Variants in HYDIN observed in about 807,000 individuals in gnomAD.
The protein encoded by HYDIN is HYDIN axonemal central pair apparatus protein.
In HYDIN, 132 loss-of-function variants were observed where a neutral mutation model predicts 403.9. The ratio of observed to expected loss-of-function variants is 0.33; its 90% confidence interval spans 0.28 to 0.38. The LOEUF (loss-of-function observed/expected upper bound fraction) is 0.38. HYDIN is among the 10% of genes least tolerant of loss of function. The pLI, the probability that HYDIN is intolerant of heterozygous loss-of-function variation, is 1.00. For synonymous variants in HYDIN, 1,202 were observed against 1,891.7 expected (o/e 0.64, Z 9.46); for missense variants, 2,827 against 5,009.5 (o/e 0.56, Z 13.15).
chr16:71,189,321 C>T (rs1235348502), intron 1 of HYDIN, among the ~76,000 whole-genome samples: 1 of 152,016 alleles, frequency 6.6e-6, no homozygotes, highest in African/African-American at 2.4e-5. Context: ...TGATTTTGAA[C>T]CATGTAAGTG....
chr16:70,977,889 T>C (rs1156244313), intron 30 of HYDIN, among the ~76,000 whole-genome samples: 1 of 151,886 alleles, frequency 6.6e-6, no homozygotes, highest in African/African-American at 2.4e-5. Context: ...TGGGGTATTT[T>C]GGGGCTACAT....
At chr16:70,948,529 A>C (rs2077955372) in intron 41 of HYDIN, among the ~76,000 whole-genome samples, 1 of 151,636 alleles carries the variant, frequency 6.6e-6, no homozygotes, top group African/African-American at 2.4e-5. Flanking sequence ...CAACCTACAA[A>C]ATGGGAGAAA....
rs747885430 is a variant in HYDIN, at chr16:70,941,595, A to T, written c.6853+41T>A. ...AGGCGCCAACGGAATAGCAAATGTC[A>T]AAGTTTCACTTAAGCCCAATGGAAA... On this transcript the variant is annotated intron_variant, in intron 43 of 85. Coordinates refer to ENST00000393567, the MANE Select transcript of HYDIN (RefSeq NM_001270974.2). 8 of 1,416,276 alleles carry T rather than the reference A, an allele frequency of 5.6e-6. No homozygotes were observed. The East Asian group carries it at 2.1e-4, about 37-fold the overall frequency. The allele number at this position is 1,416,276 out of a possible 1,614,324, so 87.7% of individuals were successfully genotyped here.
Position 70,860,143 on chromosome 16 carries a change from A to C in HYDIN, c.12054T>G (p.Ile4018Met), listed in dbSNP as rs760780096. 2 of 1,613,660 alleles carry C rather than the reference A, an allele frequency of 1.2e-6. No individual in the cohort carries two copies. Among genetic ancestry groups the C allele is most frequent in the African/African-American group, 2.7e-5 (2 of 74,840 alleles). Residue 4018 changes from isoleucine to methionine, a missense_variant, in exon 71 of 86, where the codon ATT (isoleucine) becomes ATG (methionine). Transcript: ENST00000393567. ...TYSFCWISEE[I>M]ESLQNPAAFT... ...ATGCTGCAGGGTTCTGGAGACTTTC[A>C]ATTTCTTCAGAGATCCAGCAGAAGG...
chr16:71,077,410 C>T (rs530664843), intron 13 of HYDIN, among the ~76,000 whole-genome samples: 184 of 152,116 alleles, frequency 1.2e-3, no homozygotes, highest in Non-Finnish European at 2.2e-3. Context: ...TCTAGTTAAT[C>T]ATTGCTGATA....
chr16:71,135,189 G>T (rs1444302076), intron 8 of HYDIN, among the ~76,000 whole-genome samples: 1 of 151,826 alleles, frequency 6.6e-6, no homozygotes, highest in Non-Finnish European at 1.5e-5. Context: ...CAAAGAAGTT[G>T]CCAGAAGAAA....
At chr16:71,020,926 C>T (rs1368339399) in intron 21 of HYDIN, among the ~76,000 whole-genome samples, 3 of 151,254 alleles carry the variant, frequency 2.0e-5, no homozygotes, top group Non-Finnish European at 4.4e-5. Flanking sequence ...ATTGAGAAAA[C>T]CTACAGAAGC....
chr16:71,067,878 C>T (rs2082328365), intron 14 of HYDIN, among the ~76,000 whole-genome samples: 1 of 151,944 alleles, frequency 6.6e-6, no homozygotes, highest in Admixed American at 6.6e-5. Context: ...AATCTTGCCC[C>T]CACCATCCCA....
chr16:71,103,682 G>A (rs112717723), intron 10 of HYDIN, among the ~76,000 whole-genome samples: 289 of 148,642 alleles, frequency 1.9e-3, no homozygotes, highest in African/African-American at 6.8e-3. Context: ...GGTAGTAGGA[G>A]TCCTTTCATT....
chr16:70,922,777 T>C (rs2077032482), intron 45 of HYDIN, among the ~76,000 whole-genome samples: 1 of 148,958 alleles, frequency 6.7e-6, no homozygotes, highest in Non-Finnish European at 1.5e-5. Context: ...TTTAAATGCT[T>C]TTATAACCTT....
At chr16:71,169,268 AT>A (rs1029070691) in intron 5 of HYDIN, among the ~76,000 whole-genome samples, 5 of 152,210 alleles carry the variant, frequency 3.3e-5, no homozygotes, top group African/African-American at 1.2e-4. Flanking sequence ...TCTACCAAAA[AT>A]AAAATTTAAA....
chr16:71,030,787 T>C (rs2080878196), intron 19 of HYDIN, among the ~76,000 whole-genome samples: 1 of 152,202 alleles, frequency 6.6e-6, no homozygotes, highest in African/African-American at 2.4e-5. Flanking sequence ...GTCTATACTG[T>C]ACCACAGCTT....
intron 72 of HYDIN, among the ~76,000 whole-genome samples, chr16:70,856,631 GTTC>G (rs2039042190): frequency 6.6e-6 from 1 of 151,864 alleles, no homozygotes; most frequent in Non-Finnish European, 1.5e-5. Flanking sequence ...TCACATGGTT[GTTC>G]TTCTTTAATC....
chr16:70,811,358 T>C (rs1487576461), intron 84 of HYDIN: 4 of 152,298 alleles, frequency 2.6e-5, no homozygotes, highest in Admixed American at 6.6e-5. Context: ...GAGGCCTTGA[T>C]TGTAGGAGTT....
intron 7 of HYDIN, among the ~76,000 whole-genome samples, chr16:71,150,617 G>A (rs1046739735): frequency 1.3e-5 from 2 of 149,652 alleles, no homozygotes; most frequent in African/African-American, 2.5e-5. Flanking sequence ...AGTAAACATG[G>A]GAGATTATAT....
At chr16:71,115,475 C>T (rs1438419609) in intron 10 of HYDIN, among the ~76,000 whole-genome samples, 1 of 152,186 alleles carries the variant, frequency 6.6e-6, no homozygotes, top group African/African-American at 2.4e-5. Flanking sequence ...CCTCCACATG[C>T]CACCATAATT....
intron 10 of HYDIN, among the ~76,000 whole-genome samples, chr16:71,113,090 A>ACAAT: frequency 6.8e-6 from 1 of 146,498 alleles, no homozygotes; most frequent in African/African-American, 2.5e-5. Context: ...CATGCTCCAA[A>ACAAT]CAATGATGAA....
At chr16:71,209,480 G>A (rs1019801646) in intron 1 of HYDIN, among the ~76,000 whole-genome samples, 1 of 151,804 alleles carries the variant, frequency 6.6e-6, no homozygotes, top group African/African-American at 2.4e-5. Context: ...TTGAAACCTG[G>A]AACAACTCAA....
intron 18 of HYDIN, among the ~76,000 whole-genome samples, chr16:71,039,999 C>A (rs1401557256): frequency 6.6e-6 from 1 of 152,008 alleles, no homozygotes; most frequent in Non-Finnish European, 1.5e-5. Context: ...TCAGGGATTG[C>A]AGGCACCGCC....
Sources: allele counts gnomAD v4.1 joint callset (sites outside exome capture counted in the v4.1 genomes callset), GRCh38; gene constraint gnomAD v4.1.1; transcripts MANE v1.5; gene names NCBI Gene and HGNC (gene_info 2026-07-23, HGNC 2026-07-21).